The following HMG20B variants were observed in gnomAD, a reference collection of about 807,000 sequenced individuals.
HMG20B encodes SWI/SNF-related matrix-associated actin-dependent regulator of chromatin subfamily E member 1-related.
A neutral mutation model predicts 41.6 loss-of-function variants in HMG20B; 24 were observed. The observed-to-expected ratio is 0.58, with a 90% CI of 0.42 to 0.81. The LOEUF (loss-of-function observed/expected upper bound fraction) is 0.81, where lower values mean the gene tolerates loss of function less well. HMG20B is among the 30% of genes least tolerant of loss of function. The pLI, the probability that HMG20B is intolerant of heterozygous loss-of-function variation, is 0.00. For missense variants in HMG20B, 461 were observed against 444.0 expected (o/e 1.04, Z -0.34); for synonymous variants, 251 against 186.6 (o/e 1.34, Z -2.81).
intron 4 of HMG20B, among the ~76,000 whole-genome samples, chr19:3,575,302 C>T (rs1277566522): frequency 2.0e-5 from 3 of 152,050 alleles, no homozygotes; most frequent in Admixed American, 6.6e-5. Flanking sequence ...ATGACTCTGG[C>T]GTCCGGGAGT....
intron 5 of HMG20B, chr19:3,575,956 A>C: frequency 2.0e-6 from 1 of 502,722 alleles, no homozygotes; most frequent in South Asian, 2.7e-5. Context: ...AAAAAAAAAA[A>C]AAAGAAAAAG....
chr19:3,577,657 C>CT (rs950995960), intron 8 of HMG20B, among the ~76,000 whole-genome samples: 1 of 142,080 alleles, frequency 7.0e-6, no homozygotes, highest in African/African-American at 2.6e-5. Flanking sequence ...CCTGAGCCCC[C>CT]TCCACCACCC....
At chr19:3,575,688 C>A in intron 5 of HMG20B, 28 bp downstream of exon 5, 1 of 1,540,540 alleles carries the variant, frequency 6.5e-7, no homozygotes. Flanking sequence ...CGGTGGCTCA[C>A]GCCTGTCATC....
intron 4 of HMG20B, among the ~76,000 whole-genome samples, chr19:3,574,896 T>A (rs1483825565): frequency 6.6e-6 from 1 of 152,098 alleles, no homozygotes; most frequent in African/African-American, 2.4e-5. Flanking sequence ...TTTTTGTATT[T>A]TTAGTAGAAA....
intron 8 of HMG20B, among the ~76,000 whole-genome samples, 189 bp downstream of exon 8, chr19:3,577,296 C>T (rs1011436117): frequency 1.3e-5 from 2 of 148,616 alleles, no homozygotes; most frequent in Non-Finnish European, 3.0e-5. Context: ...TCCCCGACCC[C>T]CGCACCCCTA....
intron 4 of HMG20B, 24 bp downstream of exon 4, chr19:3,574,610 A>T (rs2032118541): frequency 6.4e-7 from 1 of 1,562,932 alleles, no homozygotes; most frequent in South Asian, 1.2e-5. Context: ...GGCGCCGAGC[A>T]GGGCTGGCGG....
chr19:3,576,083 G>A (rs927371312), intron 5 of HMG20B, 178 bp from the exon 6 acceptor site: 2 of 628,606 alleles, frequency 3.2e-6, no homozygotes, highest in African/African-American at 1.8e-5. Context: ...TTGGGCGGGG[G>A]AAAGATACAT....
chr19:3,578,703 C>A lies in HMG20B; in HGVS notation c.*182C>A, dbSNP rs138504400. 5.8e-6 allele frequency: 5 copies of A among 858,612 alleles called. No individual in the cohort carries two copies. Among genetic ancestry groups the A allele is most frequent in the East Asian group, 5.2e-5 (2 of 38,682 alleles). The allele number at this position is 858,612 out of a possible 1,614,324, so 53.2% of individuals were successfully genotyped here. On this transcript the variant is annotated 3_prime_UTR_variant, in exon 10 of 10. Transcript: ENST00000333651. ...CCCTTTAGCTTTCAATCTCCCCAGC[C>A]CCCTGAACCCGGAAAAAGCACTCGC...
intron 7 of HMG20B, 107 bp downstream of exon 7, chr19:3,576,732 C>G: frequency 7.8e-7 from 1 of 1,276,378 alleles, no homozygotes; most frequent in South Asian, 1.3e-5. Context: ...GGGAGGTTCC[C>G]TATGAGCGTC....
rs545353983 is a variant in HMG20B at position 3,574,576 on chromosome 19, C to T, written c.341C>T (p.Thr114Met). ...GCCGAGTGGAGCAAGCTGCAGCCAACGGAAAAGCAGGTGGGCGGGGCGGGG... is the reference window on the plus strand; with the variant it reads ...GCCGAGTGGAGCAAGCTGCAGCCAATGGAAAAGCAGGTGGGCGGGGCGGGG... ...LGAEWSKLQP[T>M]EKQRYLDEAE... The change falls in exon 4 of 10, where the codon ACG becomes ATG. Residue 114 changes from threonine to methionine, a missense_variant. Physicochemically the swap from Thr to Met is moderately conservative, Grantham distance 81. Around this residue, in one of 3 missense-constraint regions of HMG20B, gnomAD observed 308 missense variants for 283.4 expected, o/e 1.09. Coordinates refer to ENST00000333651, the MANE Select transcript of HMG20B (RefSeq NM_006339.3). 15 of 1,598,736 alleles carry T rather than the reference C, an allele frequency of 9.4e-6. No homozygotes were observed. Among genetic ancestry groups the T allele is most frequent in the African/African-American group, 2.7e-5 (2 of 74,906 alleles).
chr19:3,573,601 C>T, intron 2 of HMG20B, 91 bp from the exon 3 acceptor site: 2 of 1,190,638 alleles, frequency 1.7e-6, no homozygotes, highest in Non-Finnish European at 2.3e-6. Context: ...TCGCTGCAGC[C>T]CCGCCGTCGG....
rs1293964448 is a variant in HMG20B at position 3,578,107 on chromosome 19, T to G, written c.935T>G (p.Val312Gly). 6.2e-7 allele frequency: 1 copy of G among 1,610,674 alleles called. No homozygotes were observed. The highest frequency in any genetic ancestry group is 8.5e-7 in the Non-Finnish European group (1 of 1,179,236). The change falls in exon 9 of 10, where the codon GTC becomes GGC. Residue 312 changes from valine (V) to glycine (G), a missense_variant. Physicochemically the swap from Val to Gly is moderately radical, Grantham distance 109. This residue lies in a region of HMG20B where 308 missense variants were observed against 283.4 expected (regional missense o/e 1.09). Transcript: ENST00000333651. ...IVRIKEILAQVASEHL is the reference protein window; with the variant it reads ...IVRIKEILAQGASEHL The stretch of plus-strand genomic sequence containing the variant: ...CGCATCAAGGAAATCCTGGCCCAGG[T>G]CGCCAGGTGTGTGCCGGGCGAGGCG...
chr19:3,573,404 C>T (rs1422785902), intron 2 of HMG20B, 57 bp downstream of exon 2: 2 of 1,459,262 alleles, frequency 1.4e-6, no homozygotes, highest in Non-Finnish European at 1.8e-6. Flanking sequence ...GCAGCCCTAG[C>T]TCCTGAACCC....
intron 8 of HMG20B, 42 bp downstream of exon 8, chr19:3,577,149 G>T (rs770713624): frequency 8.0e-7 from 1 of 1,248,464 alleles, no homozygotes; most frequent in African/African-American, 2.5e-5. Flanking sequence ...CCGGTCACCC[G>T]GCCCCGCCCG....
chr19:3,578,776 G>A lies in HMG20B; in HGVS notation c.*255G>A, dbSNP rs1414743079. 1 of 742,714 alleles carries A rather than the reference G, an allele frequency of 1.3e-6. No homozygotes were observed. Among genetic ancestry groups the A allele is most frequent in the Admixed American group, 1.8e-5 (1 of 55,968 alleles). 46.0% of individuals were successfully genotyped at this position (742,714 alleles called of 1,614,324 possible). On this transcript the variant is annotated 3_prime_UTR_variant, in exon 10 of 10. Coordinates refer to ENST00000333651, the MANE Select transcript of HMG20B (RefSeq NM_006339.3). ...CTCACAGCCGAGGGTGCCCCTCCTC[G>A]GAGGACAGCCACGCGCTACACTGGC...
chr19:3,575,523 C>T lies in HMG20B; in HGVS notation c.352-17C>T. ...GGAGGCTTCCCCTGCTTCAAGCCTT[C>T]TGGTGCTGCCCCCCAGCGGTACCTG... is the stretch of plus-strand genomic sequence containing the variant. On this transcript the variant is annotated splice_polypyrimidine_tract_variant and intron_variant, in intron 4 of 9. Transcript: ENST00000333651. 1 of 1,562,174 alleles carries T rather than the reference C, an allele frequency of 6.4e-7. No homozygotes were observed. The highest frequency in any genetic ancestry group is 8.7e-7 in the Non-Finnish European group (1 of 1,153,974).
chr19:3,575,937 CCG>C, intron 5 of HMG20B: 1 of 414,382 alleles, frequency 2.4e-6, no homozygotes, highest in Non-Finnish European at 4.2e-6. Flanking sequence ...GGGCGAGACT[CCG>C]TCTCAAAAAA....
chr19:3,574,733 T>TG, intron 4 of HMG20B, 147 bp downstream of exon 4: 6 of 684,196 alleles, frequency 8.8e-6, no homozygotes, highest in East Asian at 2.8e-5. Context: ...TTTTTTTTTT[T>TG]TGTGAGATGG....
intron 5 of HMG20B, chr19:3,576,048 C>G: frequency 1.7e-6 from 1 of 597,272 alleles, no homozygotes; most frequent in Non-Finnish European, 3.0e-6. Flanking sequence ...GCAGGGCCTC[C>G]CTCCGTGGGG....
Sources: allele counts gnomAD v4.1 joint callset (sites outside exome capture counted in the v4.1 genomes callset), GRCh38; gene constraint gnomAD v4.1.1; regional missense constraint gnomAD v4.1.1; transcripts MANE v1.5; gene names NCBI Gene and HGNC (gene_info 2026-07-23, HGNC 2026-07-21).